The following SMAP1 variants were observed in gnomAD, a reference collection of about 807,000 sequenced individuals.
SMAP1 encodes stromal membrane-associated protein 1.
A neutral mutation model predicts 58.5 loss-of-function variants in SMAP1; 24 were observed. The observed-to-expected ratio is 0.41, with a 90% CI of 0.30 to 0.58. SMAP1 has a LOEUF of 0.58. SMAP1 is among the 20% of genes least tolerant of loss of function. The pLI is 0.29. For synonymous variants in SMAP1, 216 were observed against 196.6 expected (o/e 1.10, Z -0.82); for missense variants, 563 against 566.3 (o/e 0.99, Z 0.06).
chr6:70,824,983 C>T (rs1340742940), intron 6 of SMAP1, among the ~76,000 whole-genome samples: 3 of 152,134 alleles, frequency 2.0e-5, no homozygotes, highest in Admixed American at 2.0e-4. Flanking sequence ...TGGTCTCTTG[C>T]GGCTGTCAGT....
intron 1 of SMAP1, among the ~76,000 whole-genome samples, chr6:70,719,585 C>T (rs10806635): frequency 0.49 from 75,167 of 151,874 alleles, 18,939 homozygotes; most frequent in Non-Finnish European, 0.52. Context: ...TCTCCTGTAT[C>T]AGTCGGTTTT....
chr6:70,753,427 C>G (rs1352604771), intron 2 of SMAP1, among the ~76,000 whole-genome samples: 1 of 152,090 alleles, frequency 6.6e-6, no homozygotes, highest in African/African-American at 2.4e-5. Context: ...TGGTCTAGTT[C>G]TTTCCAAATG....
At chr6:70,805,158 T>A (rs1231334108) in intron 6 of SMAP1, among the ~76,000 whole-genome samples, 1 of 152,198 alleles carries the variant, frequency 6.6e-6, no homozygotes, top group East Asian at 1.9e-4. Flanking sequence ...AGATTTGGTC[T>A]TTTCATATAG....
Position 70,857,935 on chromosome 6 carries a change from A to G in SMAP1, c.975A>G (p.Gly325=). ...QQQSTPGVFM[G]PTNIPFTSQA... is the part of the protein sequence containing the mutation. ...TTTGTGGTGCAGGTGTATTTATGGG[A>G]CCCACAAATATACCATTTACCTCAC... The change falls in exon 10 of 11, where the codon GGA becomes GGG. Residue 325 remains glycine, a synonymous_variant. Coordinates refer to ENST00000370455, the MANE Select transcript of SMAP1 (RefSeq NM_001044305.3). The G allele has an allele frequency of 6.2e-7, 1 of 1,613,858 alleles. No individual in the cohort carries two copies. Among genetic ancestry groups the G allele is most frequent in the Non-Finnish European group, 8.5e-7 (1 of 1,179,884 alleles).
chr6:70,825,117 G>T (rs1192886673), intron 6 of SMAP1, among the ~76,000 whole-genome samples: 1 of 152,168 alleles, frequency 6.6e-6, no homozygotes, highest in African/African-American at 2.4e-5. Context: ...AAGGAACAGT[G>T]GGGACACACA....
chr6:70,721,571 C>G (rs750687039), intron 1 of SMAP1, among the ~76,000 whole-genome samples: 1 of 152,178 alleles, frequency 6.6e-6, no homozygotes, highest in Non-Finnish European at 1.5e-5. Context: ...AAAGTTGCTT[C>G]CACATTTTTG....
rs149833719 is a variant in SMAP1 at position 70,789,255 on chromosome 6, A to G, written c.415-2434A>G. Among the ~76,000 whole-genome samples the G allele has an allele frequency of 2.6e-3, 398 of 152,326 alleles. 2 individuals are homozygous for G. Among genetic ancestry groups the G allele is most frequent in the African/African-American group, 9.2e-3 (383 of 41,576 alleles). On this transcript the variant is annotated intron_variant, in intron 4 of 10. Coordinates refer to ENST00000370455, the MANE Select transcript of SMAP1 (RefSeq NM_001044305.3). The stretch of plus-strand genomic sequence containing the variant: ...CAGATCAATGAATTTTTACAAATAC[A>G]TATCGCTGTGTAACCACTACCACCA...
At chr6:70,805,344 G>C (rs1212311767) in intron 6 of SMAP1, among the ~76,000 whole-genome samples, 1 of 152,116 alleles carries the variant, frequency 6.6e-6, no homozygotes, top group African/African-American at 2.4e-5. Flanking sequence ...ATGGCTTTCA[G>C]CTCCATCAGG....
chr6:70,817,800 GGGGCTAAA>G (rs1197974955), intron 6 of SMAP1, among the ~76,000 whole-genome samples: 4 of 152,088 alleles, frequency 2.6e-5, no homozygotes, highest in African/African-American at 9.7e-5. Flanking sequence ...AAATCTGTAA[GGGGCTAAA>G]GGGTTACCCT....
intron 6 of SMAP1, among the ~76,000 whole-genome samples, chr6:70,820,909 C>T (rs181463268): frequency 1.2e-3 from 183 of 152,072 alleles, no homozygotes; most frequent in African/African-American, 4.0e-3. Flanking sequence ...AACTATCATA[C>T]GTAAATAAAC....
chr6:70,849,521 C>G (rs1375808164), intron 7 of SMAP1, among the ~76,000 whole-genome samples: 1 of 152,168 alleles, frequency 6.6e-6, no homozygotes, highest in Non-Finnish European at 1.5e-5. Context: ...GGGACATGAG[C>G]TGTGTAGACT....
At chr6:70,692,113 T>C (rs1338789795) in intron 1 of SMAP1, among the ~76,000 whole-genome samples, 2 of 152,250 alleles carry the variant, frequency 1.3e-5, no homozygotes, top group Non-Finnish European at 2.9e-5. Context: ...TTCAGTCTTT[T>C]GCATAAAAGC....
chr6:70,740,580 G>A (rs1765774166), intron 2 of SMAP1, among the ~76,000 whole-genome samples: 1 of 151,476 alleles, frequency 6.6e-6, no homozygotes, highest in Non-Finnish European at 1.5e-5. Context: ...TGTTATACCT[G>A]TCCTGCTCAA....
intron 1 of SMAP1, among the ~76,000 whole-genome samples, chr6:70,725,363 G>A (rs534055164): frequency 3.9e-5 from 6 of 151,944 alleles, no homozygotes; most frequent in Admixed American, 3.3e-4. Flanking sequence ...TGATCTACCC[G>A]CCTCGGCCTC....
At chr6:70,670,261 AT>A (rs1171187642) in intron 1 of SMAP1, among the ~76,000 whole-genome samples, 2 of 152,096 alleles carry the variant, frequency 1.3e-5, no homozygotes, top group African/African-American at 2.4e-5. Context: ...TACAAGGATT[AT>A]TTTTTTCTTG....
intron 2 of SMAP1, among the ~76,000 whole-genome samples, chr6:70,735,242 T>C (rs1369227213): frequency 6.6e-6 from 1 of 152,202 alleles, no homozygotes; most frequent in Admixed American, 6.5e-5. Context: ...CCAGTGAAGA[T>C]AGAGCATTTC....
At chr6:70,671,502 G>C (rs543550051) in intron 1 of SMAP1, among the ~76,000 whole-genome samples, 1 of 152,066 alleles carries the variant, frequency 6.6e-6, no homozygotes, top group Non-Finnish European at 1.5e-5. Context: ...CCTGGGAGGC[G>C]GAGAGGCGGA....
intron 3 of SMAP1, among the ~76,000 whole-genome samples, chr6:70,765,249 A>C (rs1766918323): frequency 6.6e-6 from 1 of 152,206 alleles, no homozygotes; most frequent in African/African-American, 2.4e-5. Flanking sequence ...AGCCTCACTT[A>C]ATGTCTTTGA....
chr6:70,739,511 A>T (rs1166630935), intron 2 of SMAP1, among the ~76,000 whole-genome samples: 1 of 152,092 alleles, frequency 6.6e-6, no homozygotes, highest in East Asian at 1.9e-4. Flanking sequence ...TTCTGTGCTT[A>T]TGTGTTTAAC....
Sources: allele counts gnomAD v4.1 joint callset (sites outside exome capture counted in the v4.1 genomes callset), GRCh38; gene constraint gnomAD v4.1.1; transcripts MANE v1.5; gene names NCBI Gene and HGNC (gene_info 2026-07-23, HGNC 2026-07-21).